PROX2: variants seen among roughly 807,000 people sequenced by gnomAD.
PROX2 encodes prospero homeobox 2.
A neutral mutation model predicts 48.9 loss-of-function variants in PROX2; 46 were observed. The ratio of observed to expected loss-of-function variants is 0.94; its 90% CI spans 0.74 to 1.20. The LOEUF is 1.20. PROX2 is among the 50% of genes most tolerant of loss of function. The probability of loss-of-function intolerance (pLI) is 0.00; values close to 1 mark genes in which losing one functional copy is unlikely to be tolerated. For missense variants in PROX2, 663 were observed against 719.4 expected (o/e 0.92, Z 0.90); for synonymous variants, 260 against 276.6 (o/e 0.94, Z 0.60).
Position 74,864,007 on chromosome 14 carries a change from T to C in PROX2, c.-173A>G. 1.5e-6 allele frequency: 1 copy of C among 661,090 alleles called. No individual in the cohort carries two copies. The highest frequency in any genetic ancestry group is 2.2e-6 in the Non-Finnish European group (1 of 458,502). 41.0% of individuals were successfully genotyped at this position (661,090 alleles called of 1,614,324 possible). A position where few individuals can be genotyped will look rare whatever the true frequency, so the allele number is the denominator to read the frequency against. Reference sequence around the variant, plus strand: ...GGGCTCATGAACCTCCTGGGCAGACTCCTGAAATTAGAGACAGGAAGAAAA... The same window carrying C: ...GGGCTCATGAACCTCCTGGGCAGACCCCTGAAATTAGAGACAGGAAGAAAA... On this transcript the variant is annotated splice_region_variant and 5_prime_UTR_variant, in exon 3 of 6. Coordinates refer to ENST00000556489, the MANE Select transcript of PROX2 (RefSeq NM_001243007.2).
chr14:74,864,788 G>A (rs2091830075), intron 2 of PROX2, among the ~76,000 whole-genome samples: 1 of 151,646 alleles, frequency 6.6e-6, no homozygotes, highest in Non-Finnish European at 1.5e-5. Flanking sequence ...GTTGCCATGA[G>A]CCAAGATTGC....
chr14:74,876,053 C>T lies in PROX2; in HGVS notation c.-468G>A, dbSNP rs900168111. ...TTCCCTGCTTCCTCTCCAGGCAGGC[C>T]GGGTGCCCGTGGCTGGGTGAGGGGA... On this transcript the variant is annotated 5_prime_UTR_variant, in exon 1 of 6. Coordinates refer to ENST00000556489, the MANE Select transcript of PROX2 (RefSeq NM_001243007.2). 6.6e-6 allele frequency among the ~76,000 whole-genome samples: 1 copy of T among 152,162 alleles called. No homozygotes were observed.
rs762210488 is a variant in PROX2 at position 74,855,098 on chromosome 14, C to T, written c.*34G>A. The T allele has an allele frequency of 1.4e-6, 2 of 1,441,892 alleles. No homozygotes were observed. The highest frequency in any genetic ancestry group is 2.4e-5 in the East Asian group (1 of 41,762). The allele number at this position is 1,441,892 out of a possible 1,614,324, so 89.3% of individuals were successfully genotyped here. A position where few individuals can be genotyped will look rare whatever the true frequency, so the allele number is the denominator to read the frequency against. Reference sequence around the variant, plus strand: ...AAACCCAGGAAACCCTAGCCAGTCACTCCTCACGTTGTGGGATCTTAACCC... The same window carrying T: ...AAACCCAGGAAACCCTAGCCAGTCATTCCTCACGTTGTGGGATCTTAACCC... On this transcript the variant is annotated 3_prime_UTR_variant, in exon 6 of 6. Coordinates refer to ENST00000556489, the MANE Select transcript of PROX2 (RefSeq NM_001243007.2).
intron 2 of PROX2, among the ~76,000 whole-genome samples, chr14:74,869,491 T>G (rs1050902165): frequency 6.6e-6 from 1 of 152,182 alleles, no homozygotes; most frequent in African/African-American, 2.4e-5. Flanking sequence ...GTGGTCAGGC[T>G]GGTCTCTAAC....
At chr14:74,865,287 T>C (rs767222815) in intron 2 of PROX2, 3 of 152,188 alleles carry the variant, frequency 2.0e-5, no homozygotes, top group Non-Finnish European at 2.9e-5. Context: ...TCTGGGCTCA[T>C]GGAGTGAGCA....
chr14:74,871,762 C>T (rs1171829305), intron 1 of PROX2: 1 of 153,212 alleles, frequency 6.5e-6, no homozygotes, highest in African/African-American at 2.4e-5. Context: ...CAGAGCAAGA[C>T]CCTGTCTCAA....
rs1387930364 is a variant in PROX2, at chr14:74,875,901, G to C, written c.-316C>G. Among the ~76,000 whole-genome samples, 1 of 152,250 alleles carries C rather than the reference G, an allele frequency of 6.6e-6. No individual in the cohort carries two copies. Among genetic ancestry groups the C allele is most frequent in the South Asian group, 2.1e-4 (1 of 4,836 alleles). On this transcript the variant is annotated 5_prime_UTR_variant, in exon 1 of 6. Coordinates refer to ENST00000556489, the MANE Select transcript of PROX2 (RefSeq NM_001243007.2). Reference sequence around the variant, plus strand: ...AAAGGATGATGTTACTCACAGGGAAGAGGTCCTCTGGGAGGTCCTTGTCTT... The same window carrying C: ...AAAGGATGATGTTACTCACAGGGAACAGGTCCTCTGGGAGGTCCTTGTCTT...
chr14:74,865,018 G>T (rs1213681201), intron 2 of PROX2, among the ~76,000 whole-genome samples: 1 of 149,856 alleles, frequency 6.7e-6, no homozygotes, highest in Non-Finnish European at 1.5e-5. Context: ...GGTAGCATGC[G>T]CCTGTAATCC....
chr14:74,875,001 T>C (rs1182276546), intron 1 of PROX2, among the ~76,000 whole-genome samples: 1 of 151,922 alleles, frequency 6.6e-6, no homozygotes, highest in Admixed American at 6.6e-5. Flanking sequence ...AAAAATTAGC[T>C]GGGCGTGGTG....
chr14:74,855,538 C>T, intron 5 of PROX2: 1 of 371,008 alleles, frequency 2.7e-6, no homozygotes, highest in Non-Finnish European at 4.8e-6. Context: ...AGGACACTTC[C>T]TTTGTAGGAG....
At position 74,863,024 on chromosome 14, in the gene PROX2, G is replaced by T; in HGVS notation, c.811C>A (p.Pro271Thr). ...CAGGCCCCTCCCACAGGAGGTGAGG[G>T]CTCGCTTCTACCCTCTGCCACCTGC... is the stretch of plus-strand genomic sequence containing the variant. ...QGQVAEGRSEPSPPVGGACKD... is the reference protein window; with the variant it reads ...QGQVAEGRSETSPPVGGACKD... Residue 271 changes from proline to threonine, a missense_variant, in exon 3 of 6, where the codon CCC (proline) becomes ACC (threonine). Physicochemically the swap from Pro to Thr is conservative, Grantham distance 38. Transcript: ENST00000556489. The T allele has an allele frequency of 1.2e-6, 2 of 1,613,952 alleles. No individual in the cohort carries two copies.
intron 1 of PROX2, among the ~76,000 whole-genome samples, chr14:74,873,479 T>C (rs528429721): frequency 6.6e-6 from 1 of 151,992 alleles, no homozygotes; most frequent in Non-Finnish European, 1.5e-5. Flanking sequence ...CTAGGGGGGG[T>C]TCAGGAGCCC....
chr14:74,854,596 T>C lies in PROX2; in HGVS notation c.*536A>G, dbSNP rs550982598. The C allele has an allele frequency of 6.5e-6, 1 of 153,118 alleles. No homozygotes were observed. Among genetic ancestry groups the C allele is most frequent in the Non-Finnish European group, 1.5e-5 (1 of 68,672 alleles). The allele number at this position is 153,118 out of a possible 1,614,324, so 9.5% of individuals were successfully genotyped here. A position where few individuals can be genotyped will look rare whatever the true frequency, so the allele number is the denominator to read the frequency against. Reference sequence around the variant, plus strand: ...TTCTGTTTGGTCATCTTTTAAATGATGATAATAACTACTTTTCAGGGTGAA... The same window carrying C: ...TTCTGTTTGGTCATCTTTTAAATGACGATAATAACTACTTTTCAGGGTGAA... On this transcript the variant is annotated 3_prime_UTR_variant, in exon 6 of 6. Coordinates refer to ENST00000556489, the MANE Select transcript of PROX2 (RefSeq NM_001243007.2).
intron 2 of PROX2, among the ~76,000 whole-genome samples, chr14:74,868,968 T>C (rs918014464): frequency 3.3e-5 from 5 of 152,126 alleles, no homozygotes; most frequent in African/African-American, 1.2e-4. Flanking sequence ...TTCTCATCAG[T>C]AAAATGGGCA....
At chr14:74,864,301 C>T (rs1000232943) in intron 2 of PROX2, among the ~76,000 whole-genome samples, 1 of 151,988 alleles carries the variant, frequency 6.6e-6, no homozygotes, top group Non-Finnish European at 1.5e-5. Flanking sequence ...TAGTGGCAGC[C>T]GCCTGAACAA....
chr14:74,875,967 G>A lies in PROX2; in HGVS notation c.-382C>T, dbSNP rs75206981. 9.6e-3 allele frequency among the ~76,000 whole-genome samples: 1,455 copies of A among 152,332 alleles called. 20 individuals carry two copies. The highest frequency in any genetic ancestry group is 0.033 in the African/African-American group (1,357 of 41,560). On this transcript the variant is annotated 5_prime_UTR_variant, in exon 1 of 6. Transcript: ENST00000556489. ...GTGGGGCCAACCACTCTAGAAGACG[G>A]AGCAGCCCACTCTTCACCAGCCCTG...
At chr14:74,855,362 C>T in intron 5 of PROX2, 60 bp from the exon 6 acceptor site, 4 of 1,386,748 alleles carry the variant, frequency 2.9e-6, no homozygotes, top group Non-Finnish European at 3.9e-6. Flanking sequence ...GCACTGGTGC[C>T]AGAGCCCTCA....
At chr14:74,873,236 G>T (rs1187926519) in intron 1 of PROX2, among the ~76,000 whole-genome samples, 1 of 152,112 alleles carries the variant, frequency 6.6e-6, no homozygotes, top group East Asian at 1.9e-4. Flanking sequence ...GCCCGCCTTG[G>T]CCTCCCAAAA....
chr14:74,875,453 A>G (rs1883320097), intron 1 of PROX2, among the ~76,000 whole-genome samples: 1 of 152,168 alleles, frequency 6.6e-6, no homozygotes, highest in African/African-American at 2.4e-5. Context: ...GACATCAGAG[A>G]TCCTTTCATG....
Sources: allele counts gnomAD v4.1 joint callset (sites outside exome capture counted in the v4.1 genomes callset), GRCh38; gene constraint gnomAD v4.1.1; transcripts MANE v1.5; gene names NCBI Gene and HGNC (gene_info 2026-07-23, HGNC 2026-07-21).